KLHL28: variants seen among roughly 807,000 people sequenced by gnomAD.
KLHL28 encodes kelch-like protein 28.
A neutral mutation model predicts 48.3 loss-of-function variants in KLHL28; 22 were observed. The observed-to-expected ratio is 0.46, with a 90% CI of 0.33 to 0.65. The LOEUF (loss-of-function observed/expected upper bound fraction) is 0.65, where lower values mean the gene tolerates loss of function less well. KLHL28 is among the 30% of genes least tolerant of loss of function. The probability of loss-of-function intolerance (pLI) is 0.03; values close to 1 mark genes in which losing one functional copy is unlikely to be tolerated. For synonymous variants in KLHL28, 243 were observed against 242.4 expected (o/e 1.00, Z -0.02); for missense variants, 527 against 704.3 (o/e 0.75, Z 2.85).
intron 2 of KLHL28, among the ~76,000 whole-genome samples, chr14:44,939,689 T>A (rs1883987393): frequency 6.6e-6 from 1 of 152,178 alleles, no homozygotes; most frequent in South Asian, 2.1e-4. Flanking sequence ...AGAATAGCTT[T>A]ACTGTGCACA....
chr14:44,960,098 C>A (rs1364570801), intron 1 of KLHL28, among the ~76,000 whole-genome samples: 2 of 152,088 alleles, frequency 1.3e-5, no homozygotes, highest in Admixed American at 6.5e-5. Context: ...CAAAATGTAA[C>A]AGATAAAAAA....
At chr14:44,939,101 G>A (rs763283424) in intron 2 of KLHL28, among the ~76,000 whole-genome samples, 68 of 152,156 alleles carry the variant, frequency 4.5e-4, no homozygotes, top group Non-Finnish European at 5.6e-4. Context: ...TACTACTTGT[G>A]CCTTCTAGAG....
At chr14:44,952,903 T>TAAAAA (rs74789218) in intron 1 of KLHL28, among the ~76,000 whole-genome samples, 3 of 126,300 alleles carry the variant, frequency 2.4e-5, no homozygotes, top group African/African-American at 8.7e-5. Flanking sequence ...GTAAGTACCA[T>TAAAAA]AAAAAAAAAA....
At chr14:44,961,054 C>G (rs1318287425) in intron 1 of KLHL28, 1 of 517,222 alleles carries the variant, frequency 1.9e-6, no homozygotes, top group Non-Finnish European at 3.5e-6. Flanking sequence ...ACACTAGACA[C>G]TCCAGCTCTT....
intron 1 of KLHL28, among the ~76,000 whole-genome samples, chr14:44,952,341 G>C (rs1224375743): frequency 1.3e-5 from 2 of 152,048 alleles, no homozygotes. Flanking sequence ...GTAAATTCTT[G>C]AGCCCCATCA....
chr14:44,949,755 A>G (rs1884496474), intron 1 of KLHL28, among the ~76,000 whole-genome samples: 1 of 152,172 alleles, frequency 6.6e-6, no homozygotes, highest in Admixed American at 6.5e-5. Flanking sequence ...ACCCAAGTAT[A>G]GAATAAGAGA....
Position 44,926,896 on chromosome 14 carries a change from G to C in KLHL28, c.*2132C>G, listed in dbSNP as rs76006069. 14,658 of 152,586 alleles carry C rather than the reference G, an allele frequency of 0.096. 905 individuals carry two copies. Among genetic ancestry groups the C allele is most frequent in the African/African-American group, 0.18 (7,344 of 41,522 alleles). 9.5% of individuals were successfully genotyped at this position (152,586 alleles called of 1,614,324 possible). A position where few individuals can be genotyped will look rare whatever the true frequency, so the allele number is the denominator to read the frequency against. On this transcript the variant is annotated 3_prime_UTR_variant, in exon 5 of 5. Transcript: ENST00000396128. The stretch of plus-strand genomic sequence containing the variant: ...TATAATAGGATATATTTAATAATTT[G>C]ATTGCTATAAACAAAGAAAACTGAA...
intron 1 of KLHL28, among the ~76,000 whole-genome samples, chr14:44,952,964 G>C (rs755951578): frequency 6.6e-6 from 1 of 151,656 alleles, no homozygotes; most frequent in Non-Finnish European, 1.5e-5. Flanking sequence ...TTTAGAGTCG[G>C]ACAGATTTGG....
chr14:44,930,882 C>T (rs959541651), intron 4 of KLHL28, among the ~76,000 whole-genome samples: 3 of 152,134 alleles, frequency 2.0e-5, no homozygotes, highest in East Asian at 1.9e-4. Flanking sequence ...TTTGTTTCTA[C>T]GAACTCTGAA....
chr14:44,947,301 T>C (rs1237569252), intron 1 of KLHL28, among the ~76,000 whole-genome samples: 1 of 152,178 alleles, frequency 6.6e-6, no homozygotes, highest in East Asian at 1.9e-4. Flanking sequence ...GAACAGATTC[T>C]CCCGTAGAGC....
In KLHL28 at chr14:44,945,523, T is replaced by C; in HGVS notation, c.406A>G (p.Asn136Asp). The change falls in exon 2 of 5, where the codon AAT becomes GAT. Residue 136 changes from asparagine (N) to aspartate (D), a missense_variant. Coordinates refer to ENST00000396128, the MANE Select transcript of KLHL28 (RefSeq NM_017658.5). ...AFLESQLDPG[N>D]CIGISRFAET... ...GCAAAACGAGAAATTCCAATACAAT[T>C]ACCAGGATCAAGTTGGCTTTCAAGA... The C allele has an allele frequency of 6.2e-7, 1 of 1,614,190 alleles. No individual in the cohort carries two copies. The highest frequency in any genetic ancestry group is 8.5e-7 in the Non-Finnish European group (1 of 1,180,024).
chr14:44,950,776 C>T (rs995588169), intron 1 of KLHL28, among the ~76,000 whole-genome samples: 1 of 152,144 alleles, frequency 6.6e-6, no homozygotes, highest in African/African-American at 2.4e-5. Flanking sequence ...CATAAGCACT[C>T]AGTAATTGGT....
chr14:44,954,224 A>C lies in KLHL28; in HGVS notation c.-1+7622T>G, dbSNP rs187665672. Reference sequence around the variant, plus strand: ...AAACCTCTGGAGGTAAATCTGTCAAAATACAGCAAAATTACATTTGGATTT... The same window carrying C: ...AAACCTCTGGAGGTAAATCTGTCAACATACAGCAAAATTACATTTGGATTT... On this transcript the variant is annotated intron_variant, in intron 1 of 4. Coordinates refer to ENST00000396128, the MANE Select transcript of KLHL28 (RefSeq NM_017658.5). Among the ~76,000 whole-genome samples the C allele has an allele frequency of 1.0e-2, 1,520 of 152,330 alleles. 92 individuals are homozygous for C. Among genetic ancestry groups the C allele is most frequent in the Admixed American group, 0.094 (1,435 of 15,300 alleles).
intron 1 of KLHL28, among the ~76,000 whole-genome samples, chr14:44,951,082 T>C (rs1485921483): frequency 1.3e-5 from 2 of 152,190 alleles, no homozygotes; most frequent in Admixed American, 6.5e-5. Context: ...ACATCAAAAA[T>C]GGTAACACAA....
At position 44,945,690 on chromosome 14, in the gene KLHL28, C is replaced by A. The variant is rs1169458145; in HGVS notation, c.239G>T (p.Cys80Phe). ...GGCCTGGAGAGCAGTTTCATCAATG[C>A]ATTGAAACTCAACCTCACTGTTCTC... Reference protein sequence around the residue: ...EKENSEVEFQCIDETALQAIV... With the variant: ...EKENSEVEFQFIDETALQAIV... Residue 80 changes from cysteine (C) to phenylalanine (F), a missense_variant, in exon 2 of 5, where the codon TGC becomes TTC. Transcript: ENST00000396128. 6.2e-7 allele frequency: 1 copy of A among 1,614,096 alleles called. No individual in the cohort carries two copies. The highest frequency in any genetic ancestry group is 2.2e-5 in the East Asian group (1 of 44,886).
At chr14:44,934,608 T>C (rs1184078071) in intron 2 of KLHL28, 50 bp from the exon 3 acceptor site, 1 of 1,319,404 alleles carries the variant, frequency 7.6e-7, no homozygotes. Context: ...AAGTGGCCCA[T>C]AAAGACAGAT....
At chr14:44,943,774 G>A (rs1044437890) in intron 2 of KLHL28, among the ~76,000 whole-genome samples, 1 of 150,430 alleles carries the variant, frequency 6.6e-6, no homozygotes, top group African/African-American at 2.5e-5. Flanking sequence ...GTGTGCAATG[G>A]TGCATTCATA....
chr14:44,942,262 C>T (rs1052665485), intron 2 of KLHL28, among the ~76,000 whole-genome samples: 1 of 152,158 alleles, frequency 6.6e-6, no homozygotes, highest in African/African-American at 2.4e-5. Flanking sequence ...ATCCCTCCCT[C>T]ATATCCATTC....
chr14:44,934,476 C>A lies in KLHL28; in HGVS notation c.982G>T (p.Val328Phe). Residue 328 changes from valine to phenylalanine, a missense_variant, in exon 3 of 5, where the codon GTT becomes TTT. Val to Phe is a conservative substitution (Grantham distance 50). Coordinates refer to ENST00000396128, the MANE Select transcript of KLHL28 (RefSeq NM_017658.5). ...NIPRYEFGIC[V>F]LDQKVYVIGG... ...ATAACATATACTTTTTGGTCTAAAA[C>A]GCATATTCCAAATTCATAGCGAGGA... 6.2e-7 allele frequency: 1 copy of A among 1,613,858 alleles called. No homozygotes were observed. The highest frequency in any genetic ancestry group is 1.7e-5 in the Admixed American group (1 of 59,984).
Sources: allele counts gnomAD v4.1 joint callset (sites outside exome capture counted in the v4.1 genomes callset), GRCh38; gene constraint gnomAD v4.1.1; transcripts MANE v1.5; gene names NCBI Gene and HGNC (gene_info 2026-07-23, HGNC 2026-07-21).